Variants in HEMK2 observed in about 807,000 individuals in gnomAD.
The protein encoded by HEMK2 is HemK methyltransferase 2, ETF1 glutamine and histone H4 lysine.
the HEMK2 span, among the ~76,000 whole-genome samples, chr21:28,788,591 G>C: frequency 2.0e-5 from 3 of 151,758 alleles, no homozygotes; most frequent in African/African-American, 7.3e-5. Context: ...TGCTCGGGTG[G>C]TGGGTGAGCC....
At chr21:28,699,892 T>A in the HEMK2 span, among the ~76,000 whole-genome samples, 24 of 152,234 alleles carry the variant, frequency 1.6e-4, no homozygotes, top group Non-Finnish European at 2.9e-4. Flanking sequence ...TTAATTTCAT[T>A]GAATTTTACA....
chr21:28,747,272 G>C, the HEMK2 span, among the ~76,000 whole-genome samples: 1 of 152,202 alleles, frequency 6.6e-6, no homozygotes, highest in Non-Finnish European at 1.5e-5. Context: ...CCGGATGGAG[G>C]AGCCCATTCT....
At chr21:28,677,352 G>C in the HEMK2 span, among the ~76,000 whole-genome samples, 1 of 152,204 alleles carries the variant, frequency 6.6e-6, no homozygotes, top group African/African-American at 2.4e-5. Flanking sequence ...GCTGGGGGAC[G>C]GGTGTCCACC....
At chr21:28,737,556 A>G in the HEMK2 span, among the ~76,000 whole-genome samples, 4 of 151,838 alleles carry the variant, frequency 2.6e-5, no homozygotes, top group Non-Finnish European at 5.9e-5. Context: ...CTTGTGTTTT[A>G]ATGGGTTTTC....
At chr21:28,872,399 T>C in the HEMK2 span, 1 of 152,186 alleles carries the variant, frequency 6.6e-6, no homozygotes, top group African/African-American at 2.4e-5. Flanking sequence ...TTTATTTCCC[T>C]TACTGCACAT....
chr21:28,882,102 C>G, the HEMK2 span: 1 of 1,367,392 alleles, frequency 7.3e-7, no homozygotes, highest in South Asian at 1.3e-5. Flanking sequence ...TTTCTTTGAC[C>G]TAAAGCATCT....
At chr21:28,643,469 G>A in the HEMK2 span, among the ~76,000 whole-genome samples, 2 of 152,064 alleles carry the variant, frequency 1.3e-5, no homozygotes, top group African/African-American at 2.4e-5. Flanking sequence ...TTTGAGGTCA[G>A]GAGTCCAAAA....
chr21:28,667,079 T>C, the HEMK2 span, among the ~76,000 whole-genome samples: 495 of 152,268 alleles, frequency 3.3e-3, 2 homozygotes, highest in Middle Eastern at 0.014. Flanking sequence ...AGGAAGATAA[T>C]AATTTTCCTG....
the HEMK2 span, among the ~76,000 whole-genome samples, chr21:28,687,740 G>A: frequency 6.6e-5 from 10 of 152,136 alleles, no homozygotes; most frequent in Admixed American, 4.6e-4. Flanking sequence ...GTAAAAGTAC[G>A]TGACAAGGGA....
At chr21:28,776,149 T>A in the HEMK2 span, among the ~76,000 whole-genome samples, 1 of 152,226 alleles carries the variant, frequency 6.6e-6, no homozygotes, top group Non-Finnish European at 1.5e-5. Context: ...GAAGAATTTG[T>A]AGACTTCTGG....
At chr21:28,866,175 A>AAAAAACAC in the HEMK2 span, among the ~76,000 whole-genome samples, 332 of 76,190 alleles carry the variant, frequency 4.4e-3, 43 homozygotes, top group African/African-American at 0.013. Flanking sequence ...CAAAAAAAAA[A>AAAAAACAC]ACACACACAC....
At chr21:28,636,090 G>A in the HEMK2 span, among the ~76,000 whole-genome samples, 1 of 152,124 alleles carries the variant, frequency 6.6e-6, no homozygotes, top group African/African-American at 2.4e-5. Flanking sequence ...TACAGTGGTT[G>A]TAGTTCCTTC....
the HEMK2 span, among the ~76,000 whole-genome samples, chr21:28,581,662 C>A: frequency 3.9e-5 from 6 of 152,178 alleles, no homozygotes; most frequent in East Asian, 1.2e-3. Context: ...AGGCCTAGAT[C>A]GTTCCAGGCA....
At chr21:28,719,823 A>T in the HEMK2 span, among the ~76,000 whole-genome samples, 1 of 152,208 alleles carries the variant, frequency 6.6e-6, no homozygotes, top group Non-Finnish European at 1.5e-5. Flanking sequence ...TTATTCAGAG[A>T]TTCACTTATT....
chr21:28,605,456 T>G, the HEMK2 span, among the ~76,000 whole-genome samples: 1 of 152,238 alleles, frequency 6.6e-6, no homozygotes, highest in Non-Finnish European at 1.5e-5. Flanking sequence ...AAGTCAAATG[T>G]CTTCAAATAT....
At chr21:28,875,050 T>C in the HEMK2 span, 1 of 152,318 alleles carries the variant, frequency 6.6e-6, no homozygotes, top group Non-Finnish European at 1.5e-5. Context: ...GTCTTCTCTT[T>C]CTCTGTCAGC....
the HEMK2 span, among the ~76,000 whole-genome samples, chr21:28,696,300 T>C: frequency 6.6e-6 from 1 of 152,186 alleles, no homozygotes. Context: ...GTACAGGCAT[T>C]GGGTAAATAT....
the HEMK2 span, among the ~76,000 whole-genome samples, chr21:28,793,985 C>G: frequency 6.6e-6 from 1 of 152,160 alleles, no homozygotes; most frequent in Admixed American, 6.6e-5. Context: ...GCCTGAAGAA[C>G]TTTGAGAAAA....
chr21:28,877,301 A>AAGGAAGGAAGGAAGGAAGG, the HEMK2 span, among the ~76,000 whole-genome samples: 1,423 of 55,106 alleles, frequency 0.026, 33 homozygotes, highest in African/African-American at 0.033. Context: ...AGGAAGGAAG[A>AAGGAAGGAAGGAAGGAAGG]GAGAGAGAAA....
Sources: allele counts gnomAD v4.1 joint callset (sites outside exome capture counted in the v4.1 genomes callset), GRCh38; gene constraint gnomAD v4.1.1; transcripts MANE v1.5; gene names NCBI Gene and HGNC (gene_info 2026-07-23, HGNC 2026-07-21).